SOS1: variants seen among roughly 807,000 people sequenced by gnomAD.
The protein encoded by SOS1 is SOS Ras/Rac guanine nucleotide exchange factor 1, also known as son of sevenless homolog 1.
A neutral mutation model predicts 157.6 loss-of-function variants in SOS1; 25 were observed. That is an observed-to-expected ratio of 0.16 (90% confidence interval 0.12 to 0.22). The LOEUF is 0.22. Among genes scored for constraint, SOS1 ranks in the 10% least tolerant of loss-of-function variants. SOS1 has a pLI of 1.00. For missense variants in SOS1, 1,237 were observed against 1,599.1 expected, an observed-to-expected ratio of 0.77 and a Z score of 3.86; for synonymous variants, 528 against 534.0, an observed-to-expected ratio of 0.99 and a Z score of 0.16.
intron 13 of SOS1, 129 bp downstream of exon 13, chr2:39,013,329 CTT>C: frequency 2.9e-6 from 2 of 683,072 alleles, no homozygotes; most frequent in Non-Finnish European, 5.2e-6. Flanking sequence ...AAATTTTTAA[CTT>C]TTTGAAATGG....
rs182440135 is a variant in SOS1, at chr2:39,092,898, C to A, written c.88-25145G>T. On this transcript the variant is annotated intron_variant, in intron 1 of 22. Transcript: ENST00000402219. ...GAAAAACTTCATAATACTTAAATTC[C>A]CAAATTAAAAGTTTAAAATGAAAAT... Among the ~76,000 whole-genome samples, 52 of 152,098 alleles carry A rather than the reference C, an allele frequency of 3.4e-4. No homozygotes were observed. The East Asian group carries it at 9.1e-3, about 27-fold the overall frequency.
intron 21 of SOS1, among the ~76,000 whole-genome samples, chr2:38,988,273 T>C (rs1668611499): frequency 6.6e-6 from 1 of 152,126 alleles, no homozygotes; most frequent in African/African-American, 2.4e-5. Flanking sequence ...CACTAAAATC[T>C]AGTGAATCTG....
At chr2:39,019,477 T>G (rs1252890917) in intron 10 of SOS1, among the ~76,000 whole-genome samples, 1 of 151,806 alleles carries the variant, frequency 6.6e-6, no homozygotes, top group Non-Finnish European at 1.5e-5. Flanking sequence ...AGATTTAGAA[T>G]GATCCATCCA....
At chr2:39,118,356 C>G (rs1178281976) in intron 1 of SOS1, among the ~76,000 whole-genome samples, 2 of 152,190 alleles carry the variant, frequency 1.3e-5, no homozygotes, top group African/African-American at 4.8e-5. Flanking sequence ...AAATGTCCAG[C>G]AGGCAAGTAA....
chr2:39,102,702 T>C (rs1673017644), intron 1 of SOS1, among the ~76,000 whole-genome samples: 1 of 152,100 alleles, frequency 6.6e-6, no homozygotes, highest in Non-Finnish European at 1.5e-5. Flanking sequence ...CCCAGCACTT[T>C]GGGAGGCTGA....
intron 19 of SOS1, among the ~76,000 whole-genome samples, chr2:38,996,208 G>C (rs1668885317): frequency 6.6e-6 from 1 of 152,048 alleles, no homozygotes; most frequent in South Asian, 2.1e-4. Flanking sequence ...TTCTGCCTCA[G>C]CCTCCCAAGT....
chr2:39,093,862 T>A (rs1410489323), intron 1 of SOS1, among the ~76,000 whole-genome samples: 1 of 152,242 alleles, frequency 6.6e-6, no homozygotes. Flanking sequence ...TTCATTGCTA[T>A]AGTTTCAGAT....
chr2:39,076,524 C>T (rs1400844247), intron 1 of SOS1, among the ~76,000 whole-genome samples: 1 of 152,130 alleles, frequency 6.6e-6, no homozygotes, highest in East Asian at 1.9e-4. Flanking sequence ...TTTTGTGATT[C>T]TCACATTAAC....
At chr2:39,093,672 A>G (rs1672669436) in intron 1 of SOS1, among the ~76,000 whole-genome samples, 1 of 152,244 alleles carries the variant, frequency 6.6e-6, no homozygotes, top group African/African-American at 2.4e-5. Flanking sequence ...GTGTGACTAC[A>G]GCAGAGTCAG....
upstream of SOS1, among the ~76,000 whole-genome samples, chr2:39,124,791 G>A (rs972773982): frequency 2.6e-5 from 4 of 152,048 alleles, no homozygotes; most frequent in Admixed American, 1.3e-4. Flanking sequence ...AAAATGAACT[G>A]CTCTTGCCTC....
chr2:39,021,856 AG>A (rs1669808270), intron 10 of SOS1, among the ~76,000 whole-genome samples: 1 of 151,842 alleles, frequency 6.6e-6, no homozygotes, highest in Non-Finnish European at 1.5e-5. Flanking sequence ...AACATAGAAA[AG>A]GTTGGTGAAG....
At chr2:39,105,868 T>G (rs909474254) in intron 1 of SOS1, among the ~76,000 whole-genome samples, 1 of 151,650 alleles carries the variant, frequency 6.6e-6, no homozygotes, top group African/African-American at 2.4e-5. Context: ...CCATTGCACT[T>G]CAGCCTGGGC....
intron 20 of SOS1, chr2:38,992,965 C>T (rs1157825414): frequency 6.6e-6 from 1 of 151,870 alleles, no homozygotes; most frequent in Non-Finnish European, 1.5e-5. Flanking sequence ...TGGCGGGGCA[C>T]AGTGGCTCAT....
chr2:39,025,516 A>AT (rs200073263), intron 8 of SOS1, among the ~76,000 whole-genome samples: 1,578 of 139,806 alleles, frequency 0.011, 19 homozygotes, highest in Admixed American at 0.032. Flanking sequence ...CACCTGACTG[A>AT]TTTTTTTTTT....
intron 20 of SOS1, among the ~76,000 whole-genome samples, chr2:38,990,034 A>T (rs969039259): frequency 6.6e-6 from 1 of 152,128 alleles, no homozygotes; most frequent in African/African-American, 2.4e-5. Context: ...TAGGTGATCT[A>T]TACTGATTCT....
chr2:39,120,120 T>TC (rs1282254737), intron 1 of SOS1, among the ~76,000 whole-genome samples: 1 of 151,450 alleles, frequency 6.6e-6, no homozygotes, highest in African/African-American at 2.4e-5. Context: ...CCGGATAAAC[T>TC]CCCCCCGGCT....
At chr2:39,035,164 A>C in intron 8 of SOS1, 48 bp downstream of exon 8, 1 of 1,341,446 alleles carries the variant, frequency 7.5e-7, no homozygotes, top group Non-Finnish European at 1.1e-6. Flanking sequence ...GCAAAAAAAA[A>C]AATTCACACT....
At position 38,986,320 on chromosome 2, in the gene SOS1, C is replaced by T; in HGVS notation, c.3511-5G>A. 6.2e-7 allele frequency: 1 copy of T among 1,609,538 alleles called. No individual in the cohort carries two copies. Among genetic ancestry groups the T allele is most frequent in the South Asian group, 1.1e-5 (1 of 90,958 alleles). Reference sequence around the variant, plus strand: ...GTCCAAATGCTTAGACATAATCTAACAAATGAAAAGAATAAAATACACATT... The same window carrying T: ...GTCCAAATGCTTAGACATAATCTAATAAATGAAAAGAATAAAATACACATT... On this transcript the variant is annotated splice_region_variant and splice_polypyrimidine_tract_variant and intron_variant, in intron 22 of 22. Transcript: ENST00000402219.
chr2:39,058,818 A>T lies in SOS1; in HGVS notation c.214-14T>A. 6.2e-7 allele frequency: 1 copy of T among 1,608,142 alleles called. No individual in the cohort carries two copies. Among genetic ancestry groups the T allele is most frequent in the Non-Finnish European group, 8.5e-7 (1 of 1,175,330 alleles). ...TTGAACACGTTCCTTGGAAAATAGG[A>T]AAATAACAACTAAGCAAAAAATATA... is the stretch of plus-strand genomic sequence containing the variant. On this transcript the variant is annotated splice_polypyrimidine_tract_variant and intron_variant, in intron 2 of 22. Transcript: ENST00000402219.
Sources: allele counts gnomAD v4.1 joint callset (sites outside exome capture counted in the v4.1 genomes callset), GRCh38; gene constraint gnomAD v4.1.1; transcripts MANE v1.5; gene names NCBI Gene and HGNC (gene_info 2026-07-23, HGNC 2026-07-21).